Variants in PCDHA11 observed in about 807,000 individuals in gnomAD.
The protein encoded by PCDHA11 is protocadherin alpha 11.
Under a neutral mutation model 70.3 loss-of-function variants are expected in PCDHA11, and 61 were observed. That is an observed-to-expected ratio of 0.87 (90% CI 0.71 to 1.07). The LOEUF is 1.07. PCDHA11 is among the 50% of genes least tolerant of loss of function. The pLI is 0.00. For synonymous variants in PCDHA11, 633 were observed against 555.1 expected (o/e 1.14, Z -1.97); for missense variants, 1,324 against 1,237.5 (o/e 1.07, Z -1.05).
In PCDHA11 at chr5:141,011,713, T is replaced by G. The variant is rs1198989870; in HGVS notation, c.*1776T>G. 6.5e-6 allele frequency: 1 copy of G among 153,774 alleles called. No individual in the cohort carries two copies. The highest frequency in any genetic ancestry group is 1.5e-5 in the Non-Finnish European group (1 of 68,048). 9.5% of individuals were successfully genotyped at this position (153,774 alleles called of 1,614,324 possible). On this transcript the variant is annotated 3_prime_UTR_variant, in exon 4 of 4. Coordinates refer to ENST00000398640, the MANE Select transcript of PCDHA11 (RefSeq NM_018902.5). Reference sequence around the variant, plus strand: ...ATTTTGGAATGAATACTGACAATATTCCATGAGGGTGTGCAAGCACAAATT... The same window carrying G: ...ATTTTGGAATGAATACTGACAATATGCCATGAGGGTGTGCAAGCACAAATT...
chr5:140,871,344 G>A lies in PCDHA11; in HGVS notation c.2241G>A (p.Trp747Ter), dbSNP rs533115257. Reference protein sequence around the residue: ...TLVCSRAVGSWSYSQQRRQRV... With the variant: ...TLVCSRAVGS ...TGTGCTCCCGCGCGGTGGGGAGCTG[G>A]TCATACTCGCAGCAGAGGCGGCAGA... The change falls in exon 1 of 4, where the codon TGG becomes TGA. Residue 747 changes from tryptophan to a stop codon, truncating the protein, a stop_gained. Coordinates refer to ENST00000398640, the MANE Select transcript of PCDHA11 (RefSeq NM_018902.5). LOFTEE classifies it high-confidence loss of function. The A allele has an allele frequency of 6.2e-7, 1 of 1,614,200 alleles. No individual in the cohort carries two copies. The highest frequency in any genetic ancestry group is 1.3e-5 in the African/African-American group (1 of 75,074).
intron 3 of PCDHA11, among the ~76,000 whole-genome samples, chr5:140,999,429 A>G (rs1554256798): frequency 6.6e-6 from 1 of 152,190 alleles, no homozygotes. Flanking sequence ...GAGGCCAAGT[A>G]CCTTGCCTCT....
chr5:140,916,747 G>A (rs1445361224), intron 1 of PCDHA11, among the ~76,000 whole-genome samples: 1 of 152,220 alleles, frequency 6.6e-6, no homozygotes, highest in Non-Finnish European at 1.5e-5. Context: ...TTCACTGCCT[G>A]GGATTAGGGG....
chr5:140,917,039 A>G (rs1279228933), intron 1 of PCDHA11, among the ~76,000 whole-genome samples: 1 of 152,132 alleles, frequency 6.6e-6, no homozygotes, highest in African/African-American at 2.4e-5. Flanking sequence ...TGAGTCCAGC[A>G]CAGTGTTGTT....
rs545348313 is a variant in PCDHA11, at chr5:140,968,526, C to T, written c.2392-10423C>T. ...ATTCTGTACCCTACCTCAACCAACTCGTCAGCAGCCTTCGAGATGGTGCCT... is the reference window on the plus strand; with the variant it reads ...ATTCTGTACCCTACCTCAACCAACTTGTCAGCAGCCTTCGAGATGGTGCCT... On this transcript the variant is annotated intron_variant, in intron 1 of 3. Transcript: ENST00000398640. 9.9e-6 allele frequency: 16 copies of T among 1,614,200 alleles called. No individual in the cohort carries two copies. The Admixed American group carries it at 1.3e-4, about 13-fold the overall frequency.
At chr5:140,993,831 T>C (rs2097584101) in intron 3 of PCDHA11, among the ~76,000 whole-genome samples, 1 of 152,190 alleles carries the variant, frequency 6.6e-6, no homozygotes, top group South Asian at 2.1e-4. Flanking sequence ...CTATACCATA[T>C]AGCCTAGGTA....
intron 2 of PCDHA11, chr5:140,982,222 A>C: frequency 3.5e-6 from 2 of 569,284 alleles, no homozygotes; most frequent in Non-Finnish European, 2.7e-6. Context: ...CATGGCGTTA[A>C]TAAAAAACAG....
intron 1 of PCDHA11, among the ~76,000 whole-genome samples, chr5:140,906,790 C>A (rs1381392314): frequency 6.6e-6 from 1 of 152,276 alleles, no homozygotes; most frequent in South Asian, 2.1e-4. Flanking sequence ...TTGTGTATTC[C>A]ATGCATACTC....
Position 141,010,515 on chromosome 5 carries a change from CAA to C in PCDHA11, c.*579_*580del, listed in dbSNP as rs1554262971. ...ACCAGACTTTCTAAATCTTACAACTCAAGAGGTGGCAGCCACCCTCTAGGAGA... is the reference window on the plus strand; with the variant it reads ...ACCAGACTTTCTAAATCTTACAACTCGAGGTGGCAGCCACCCTCTAGGAGA... On this transcript the variant is annotated 3_prime_UTR_variant, in exon 4 of 4. Transcript: ENST00000398640. 4.1e-6 allele frequency: 2 copies of C among 483,800 alleles called. No individual in the cohort carries two copies. Among genetic ancestry groups the C allele is most frequent in the African/African-American group, 2.0e-5 (1 of 51,026 alleles). 30.0% of individuals were successfully genotyped at this position (483,800 alleles called of 1,614,324 possible).
intron 1 of PCDHA11, among the ~76,000 whole-genome samples, chr5:140,975,842 T>C (rs1291239014): frequency 1.3e-5 from 2 of 152,210 alleles, no homozygotes; most frequent in Non-Finnish European, 2.9e-5. Context: ...TATTCTTCAG[T>C]AATACTACAT....
intron 3 of PCDHA11, among the ~76,000 whole-genome samples, chr5:141,007,748 T>C (rs188910603): frequency 1.3e-3 from 195 of 152,298 alleles, no homozygotes; most frequent in African/African-American, 4.4e-3. Context: ...GAAGATAACT[T>C]TGGACTCTTA....
chr5:140,932,952 T>G (rs2088746376), intron 1 of PCDHA11, among the ~76,000 whole-genome samples: 1 of 152,008 alleles, frequency 6.6e-6, no homozygotes, highest in Non-Finnish European at 1.5e-5. Flanking sequence ...GAAGGTGGAC[T>G]AAATTGCTGA....
intron 1 of PCDHA11, among the ~76,000 whole-genome samples, chr5:140,961,987 C>T (rs1411300268): frequency 1.3e-5 from 2 of 151,942 alleles, no homozygotes; most frequent in African/African-American, 4.8e-5. Context: ...GGGTTCACGC[C>T]ATTGTCCTGC....
rs782421721 is a variant in PCDHA11, at chr5:140,966,807, C to T, written c.2392-12142C>T. Reference sequence around the variant, plus strand: ...ACCAGACCTGCGGCGACAGAGCATCCACGGCTCCGGCGGCCCATGCCCTGG... The same window carrying T: ...ACCAGACCTGCGGCGACAGAGCATCTACGGCTCCGGCGGCCCATGCCCTGG... On this transcript the variant is annotated intron_variant, in intron 1 of 3. Transcript: ENST00000398640. 3 of 1,547,208 alleles carry T rather than the reference C, an allele frequency of 1.9e-6. No homozygotes were observed. The South Asian group carries it at 3.6e-5, about 18-fold the overall frequency.
Position 140,869,747 on chromosome 5 carries a change from C to A in PCDHA11, c.644C>A (p.Thr215Lys), listed in dbSNP as rs1554163400. The stretch of plus-strand genomic sequence containing the variant: ...GAACTTAATTTGCTGCTAACAGCTA[C>A]AGACGGGGGAAAACCAGAGCTTACT... ...TPELNLLLTA[T>K]DGGKPELTGT... The change falls in exon 1 of 4, where the codon ACA (threonine) becomes AAA (lysine). Residue 215 changes from threonine (T) to lysine (K), a missense_variant. Thr to Lys is a moderately conservative substitution (Grantham distance 78). Transcript: ENST00000398640. 1 of 1,613,276 alleles carries A rather than the reference C, an allele frequency of 6.2e-7. No individual in the cohort carries two copies.
intron 1 of PCDHA11, among the ~76,000 whole-genome samples, chr5:140,906,547 C>T (rs2072745421): frequency 6.6e-6 from 1 of 152,218 alleles, no homozygotes; most frequent in Non-Finnish European, 1.5e-5. Flanking sequence ...CTCATTTCTG[C>T]AACTGGTTGT....
chr5:140,874,124 T>G (rs926046559), intron 1 of PCDHA11, among the ~76,000 whole-genome samples: 6 of 152,266 alleles, frequency 3.9e-5, no homozygotes, highest in Admixed American at 3.3e-4. Context: ...TTATAGTTTA[T>G]TTAAGTTATC....
intron 1 of PCDHA11, chr5:140,877,029 G>A (rs782501659): frequency 4.7e-5 from 75 of 1,612,228 alleles, no homozygotes; most frequent in Middle Eastern, 2.0e-4. Context: ...AGGTGTACGC[G>A]CTGCAGCCGC....
chr5:140,969,046 C>A, intron 1 of PCDHA11: 5 of 1,614,074 alleles, frequency 3.1e-6, no homozygotes, highest in Non-Finnish European at 4.2e-6. Flanking sequence ...ACAAACAAGC[C>A]AACAACAATA....
Sources: allele counts gnomAD v4.1 joint callset (sites outside exome capture counted in the v4.1 genomes callset), GRCh38; gene constraint gnomAD v4.1.1; transcripts MANE v1.5; gene names NCBI Gene and HGNC (gene_info 2026-07-23, HGNC 2026-07-21).